CSTF3: variants seen among roughly 807,000 people sequenced by gnomAD.
CSTF3 encodes CF-1 77 kDa subunit.
Under a neutral mutation model 105.8 loss-of-function variants are expected in CSTF3, and 29 were observed. The observed-to-expected ratio is 0.27, with a 90% CI of 0.20 to 0.37. The LOEUF is 0.37. Ranked by LOEUF, CSTF3 falls within the 10% of genes least tolerant of loss-of-function variation. The pLI, the probability that CSTF3 is intolerant of heterozygous loss-of-function variation, is 1.00. For missense variants in CSTF3, 357 were observed against 879.3 expected (o/e 0.41, Z 7.51); for synonymous variants, 252 against 281.9 (o/e 0.89, Z 1.06).
chr11:33,151,766 C>T (rs1849783782), intron 1 of CSTF3, among the ~76,000 whole-genome samples: 1 of 152,002 alleles, frequency 6.6e-6, no homozygotes, highest in Non-Finnish European at 1.5e-5. Context: ...TATGTTTTAC[C>T]TTCTGAAAAA....
intron 15 of CSTF3, among the ~76,000 whole-genome samples, chr11:33,095,140 T>C (rs2133771575): frequency 6.6e-6 from 1 of 152,314 alleles, no homozygotes; most frequent in East Asian, 1.9e-4. Context: ...CCTTGGGTGA[T>C]CTGCCTGCCT....
At chr11:33,105,062 T>C (rs1037986886) in intron 8 of CSTF3, among the ~76,000 whole-genome samples, 2 of 152,212 alleles carry the variant, frequency 1.3e-5, no homozygotes, top group African/African-American at 4.8e-5. Flanking sequence ...GAACTTCCTT[T>C]TAATGCTAGA....
chr11:33,099,752 AAAT>A lies in CSTF3; in HGVS notation c.827-38_827-36del. The stretch of plus-strand genomic sequence containing the variant: ...GAAATTAACAAACAATATTCAATTA[AAAT>A]AATTATTATTTGTAAAACTATCAAT... On this transcript the variant is annotated intron_variant, in intron 10 of 20. Transcript: ENST00000323959. The surrounding 1 kb of genome is among the most constrained non-coding windows in gnomAD (Gnocchi z 4.1). 1.5e-6 allele frequency: 2 copies of A among 1,296,066 alleles called. No homozygotes were observed. Among genetic ancestry groups the A allele is most frequent in the South Asian group, 2.8e-5 (2 of 72,672 alleles). 80.3% of individuals were successfully genotyped at this position (1,296,066 alleles called of 1,614,324 possible).
rs1329793355 is a variant in CSTF3, at chr11:33,120,157, AAC to A, written c.226-11741_226-11740del. ...AGATTCTTATAAAACAAAAACTGGAAACACTGTAAATGATAATTAGGACTGGC... is the reference window on the plus strand; with the variant it reads ...AGATTCTTATAAAACAAAAACTGGAAACTGTAAATGATAATTAGGACTGGC... On this transcript the variant is annotated intron_variant, in intron 3 of 20. Coordinates refer to ENST00000323959, the MANE Select transcript of CSTF3 (RefSeq NM_001326.3). 4.6e-5 allele frequency among the ~76,000 whole-genome samples: 7 copies of A among 151,892 alleles called. 1 individual carries two copies. The highest frequency in any genetic ancestry group is 4.6e-4 in the Admixed American group (7 of 15,252).
intron 5 of CSTF3, among the ~76,000 whole-genome samples, chr11:33,107,418 G>A (rs1855337642): frequency 6.6e-6 from 1 of 152,128 alleles, no homozygotes; most frequent in African/African-American, 2.4e-5. Context: ...ATAGAAAAAT[G>A]GCACCTCAGA....
intron 3 of CSTF3, among the ~76,000 whole-genome samples, chr11:33,109,590 G>A (rs999192627): frequency 3.3e-5 from 5 of 152,144 alleles, no homozygotes; most frequent in Non-Finnish European, 5.9e-5. Flanking sequence ...AGCTGATTAA[G>A]GGGGATAATA....
At chr11:33,093,673 C>T (rs1428092764) in intron 15 of CSTF3, among the ~76,000 whole-genome samples, 1 of 151,896 alleles carries the variant, frequency 6.6e-6, no homozygotes, top group Non-Finnish European at 1.5e-5. Context: ...TATGTATTTA[C>T]ACACTTACAC....
In CSTF3 at chr11:33,092,359, T is replaced by G. The variant is rs1023175477; in HGVS notation, c.1376-19A>C. 14 of 1,407,350 alleles carry G rather than the reference T, an allele frequency of 9.9e-6. No individual in the cohort carries two copies. In the African/African-American group the frequency reaches 2.0e-4, roughly 20 times the overall value. The allele number at this position is 1,407,350 out of a possible 1,614,324, so 87.2% of individuals were successfully genotyped here. On this transcript the variant is annotated intron_variant, in intron 15 of 20. Transcript: ENST00000323959. ...TTGTCCTCTAGGATATTGAAAAAGATTTTAATTTTTTTAATTCACTTTTAC... is the reference window on the plus strand; with the variant it reads ...TTGTCCTCTAGGATATTGAAAAAGAGTTTAATTTTTTTAATTCACTTTTAC...
chr11:33,130,288 C>T, intron 3 of CSTF3, among the ~76,000 whole-genome samples: 1 of 152,042 alleles, frequency 6.6e-6, no homozygotes, highest in East Asian at 1.9e-4. Flanking sequence ...GCCTGGCCAA[C>T]GTGGTGAAAG....
intron 3 of CSTF3, among the ~76,000 whole-genome samples, chr11:33,114,814 GCACTC>G (rs1462480091): frequency 6.6e-6 from 1 of 151,910 alleles, no homozygotes; most frequent in Admixed American, 6.6e-5. Context: ...CTGCACCATT[GCACTC>G]CAGCCTGGAC....
intron 3 of CSTF3, among the ~76,000 whole-genome samples, chr11:33,131,316 T>C (rs1428882721): frequency 6.6e-6 from 1 of 152,182 alleles, no homozygotes; most frequent in Non-Finnish European, 1.5e-5. Context: ...TGAGTAGCTA[T>C]ACATAATCCA....
intron 1 of CSTF3, among the ~76,000 whole-genome samples, chr11:33,144,643 G>T (rs531810585): frequency 6.6e-6 from 1 of 152,284 alleles, no homozygotes; most frequent in African/African-American, 2.4e-5. Context: ...AGAGATCAAA[G>T]ATTTAAATGT....
At chr11:33,131,859 G>T (rs1855603429) in intron 3 of CSTF3, among the ~76,000 whole-genome samples, 1 of 152,008 alleles carries the variant, frequency 6.6e-6, no homozygotes, top group African/African-American at 2.4e-5. Flanking sequence ...AAAAAACAAA[G>T]ATTTGAACAT....
At chr11:33,114,836 G>A (rs985373068) in intron 3 of CSTF3, among the ~76,000 whole-genome samples, 1 of 151,706 alleles carries the variant, frequency 6.6e-6, no homozygotes, top group Admixed American at 6.6e-5. Flanking sequence ...GGACAAGAGC[G>A]AAACTCTGTC....
intron 15 of CSTF3, among the ~76,000 whole-genome samples, chr11:33,094,841 ATTTCTTTC>A (rs142605990): frequency 6.6e-6 from 1 of 151,406 alleles, no homozygotes; most frequent in Non-Finnish European, 1.5e-5. Flanking sequence ...ATAATTGCAT[ATTTCTTTC>A]TTAAGCCAAC....
chr11:33,099,265 G>C lies in CSTF3; in HGVS notation c.937-115C>G. On this transcript the variant is annotated intron_variant, in intron 11 of 20. Coordinates refer to ENST00000323959, the MANE Select transcript of CSTF3 (RefSeq NM_001326.3). The surrounding 1 kb of genome is among the most constrained non-coding windows in gnomAD (Gnocchi z 4.1). ...TTTATGTGTCTAAGAAAGCATACAT[G>C]TATGTACACACATATATATGTATCC... 1 of 1,216,740 alleles carries C rather than the reference G, an allele frequency of 8.2e-7. No homozygotes were observed. The highest frequency in any genetic ancestry group is 1.5e-5 in the South Asian group (1 of 67,284). The allele number at this position is 1,216,740 out of a possible 1,614,324, so 75.4% of individuals were successfully genotyped here.
At chr11:33,134,858 G>T (rs1855636614) in intron 3 of CSTF3, among the ~76,000 whole-genome samples, 1 of 152,122 alleles carries the variant, frequency 6.6e-6, no homozygotes, top group African/African-American at 2.4e-5. Flanking sequence ...GGTTATTTGT[G>T]AGAAAACATC....
chr11:33,157,410 A>C lies in CSTF3; in HGVS notation c.27+3889T>G, dbSNP rs369646239. On this transcript the variant is annotated intron_variant, in intron 1 of 20. Transcript: ENST00000323959. ...AAACCATGAAATAAATAATACAGCC[A>C]TAATTCCACACAGAAATCATATGTT... Among the ~76,000 whole-genome samples, 13 of 152,286 alleles carry C rather than the reference A, an allele frequency of 8.5e-5. 1 individual carries two copies. The East Asian group carries it at 1.9e-3, about 23-fold the overall frequency.
At chr11:33,101,437 T>C (rs1364375599) in intron 10 of CSTF3, among the ~76,000 whole-genome samples, 2 of 152,176 alleles carry the variant, frequency 1.3e-5, no homozygotes, top group African/African-American at 4.8e-5. Context: ...ATTAGATGGT[T>C]GGGGTAAACA....
Sources: gnomAD v4.1 joint callset for allele counts (sites outside exome capture counted in the v4.1 genomes callset) on GRCh38, gnomAD v4.1.1 for gene constraint, Gnocchi (gnomAD v3.1) non-coding constraint, MANE v1.5 for transcripts, NCBI Gene and HGNC (gene_info 2026-07-23, HGNC 2026-07-21) for gene names.